NTN4: variants seen among roughly 807,000 people sequenced by gnomAD.
The protein encoded by NTN4 is netrin 4, also known as netrin-4.
A neutral mutation model predicts 73.6 loss-of-function variants in NTN4; 32 were observed. The observed-to-expected ratio is 0.44, with a 90% confidence interval of 0.33 to 0.58. NTN4 has a LOEUF of 0.58. Ranked by LOEUF, NTN4 falls within the 20% of genes least tolerant of loss-of-function variation. NTN4 has a pLI of 0.04. For missense variants in NTN4, 654 were observed against 798.3 expected (o/e 0.82, Z 2.18); for synonymous variants, 258 against 287.5 (o/e 0.90, Z 1.04).
At chr12:95,757,107 G>A (rs2078952262) in intron 2 of NTN4, among the ~76,000 whole-genome samples, 1 of 152,150 alleles carries the variant, frequency 6.6e-6, no homozygotes, top group Non-Finnish European at 1.5e-5. Flanking sequence ...CATGAGTGCA[G>A]GGGACCTTGT....
chr12:95,679,728 G>A (rs1338585912), intron 7 of NTN4, among the ~76,000 whole-genome samples: 3 of 152,170 alleles, frequency 2.0e-5, no homozygotes, highest in Non-Finnish European at 4.4e-5. Context: ...CAACCATGCT[G>A]ATGGGTGTTA....
intron 5 of NTN4, among the ~76,000 whole-genome samples, chr12:95,690,262 C>T (rs1055208576): frequency 2.0e-5 from 3 of 152,206 alleles, no homozygotes; most frequent in Non-Finnish European, 4.4e-5. Flanking sequence ...CATTCACTTA[C>T]TCAACAAACA....
rs75261073 is a variant in NTN4 at position 95,739,314 on chromosome 12, G to A, written c.586-1170C>T. 2.9e-3 allele frequency among the ~76,000 whole-genome samples: 448 copies of A among 152,154 alleles called. 3 individuals carry two copies. The highest frequency in any genetic ancestry group is 0.011 in the African/African-American group (438 of 41,502). ...AATAATAAGAAATAACGGATTAACC[G>A]GTATTTGTATTTCTAGCTATTTTTG... On this transcript the variant is annotated intron_variant, in intron 2 of 9. Transcript: ENST00000343702.
At chr12:95,757,154 A>G (rs944335160) in intron 2 of NTN4, among the ~76,000 whole-genome samples, 1 of 152,196 alleles carries the variant, frequency 6.6e-6, no homozygotes, top group African/African-American at 2.4e-5. Flanking sequence ...TGCTTGGCAT[A>G]TATGAGTTAA....
chr12:95,667,863 AAAATAAAT>A (rs71087991), intron 8 of NTN4, among the ~76,000 whole-genome samples: 21,102 of 148,198 alleles, frequency 0.14, 1,733 homozygotes, highest in African/African-American at 0.23. Flanking sequence ...CCATCTCTCA[AAAATAAAT>A]AAATAAATAA....
chr12:95,711,755 G>A (rs1160537036), intron 4 of NTN4, among the ~76,000 whole-genome samples: 2 of 152,158 alleles, frequency 1.3e-5, no homozygotes, highest in African/African-American at 4.8e-5. Context: ...TGTTCTATAC[G>A]TATTTAGATA....
intron 2 of NTN4, among the ~76,000 whole-genome samples, chr12:95,768,664 A>C (rs1286347772): frequency 6.6e-6 from 1 of 152,204 alleles, no homozygotes; most frequent in East Asian, 1.9e-4. Context: ...GCAAGGAAGT[A>C]ACATTTTGTA....
At position 95,790,113 on chromosome 12, in the gene NTN4, G is replaced by C. The variant is rs2079197249; in HGVS notation, c.55+142C>G. On this transcript the variant is annotated intron_variant, in intron 1 of 9. Transcript: ENST00000343702. The surrounding 1 kb of genome is among the most constrained non-coding windows in gnomAD (Gnocchi z 6.5). ...TGAAACTGCGGAGCCCCGGGGAAAGGAGGCGGAACATGGCCACTCATTTCA... is the reference window on the plus strand; with the variant it reads ...TGAAACTGCGGAGCCCCGGGGAAAGCAGGCGGAACATGGCCACTCATTTCA... 1.6e-6 allele frequency: 1 copy of C among 607,062 alleles called. No individual in the cohort carries two copies. Among genetic ancestry groups the C allele is most frequent in the Admixed American group, 3.9e-5 (1 of 25,740 alleles). The allele number at this position is 607,062 out of a possible 1,614,324, so 37.6% of individuals were successfully genotyped here. A position where few individuals can be genotyped will look rare whatever the true frequency, so the allele number is the denominator to read the frequency against.
chr12:95,711,254 CAA>C lies in NTN4; in HGVS notation c.992-627_992-626del, dbSNP rs573450633. Among the ~76,000 whole-genome samples the C allele has an allele frequency of 3.1e-3, 475 of 152,116 alleles. 3 individuals are homozygous for C. The highest frequency in any genetic ancestry group is 0.011 in the African/African-American group (452 of 41,504). On this transcript the variant is annotated intron_variant, in intron 4 of 9. Coordinates refer to ENST00000343702, the MANE Select transcript of NTN4 (RefSeq NM_021229.4). ...GTTTCAGGAGATGCATGAAAATCAACAAAGTGTAGATTTGTCTAGTTGGGCAG... is the reference window on the plus strand; with the variant it reads ...GTTTCAGGAGATGCATGAAAATCAACAGTGTAGATTTGTCTAGTTGGGCAG...
chr12:95,691,136 T>A (rs1470476326), intron 5 of NTN4, among the ~76,000 whole-genome samples: 1 of 152,242 alleles, frequency 6.6e-6, no homozygotes, highest in Non-Finnish European at 1.5e-5. Context: ...TGCATACTTA[T>A]CTCCTGAAGC....
rs59083360 is a variant in NTN4, at chr12:95,678,349, TA to T, written c.1510+4357del. Among the ~76,000 whole-genome samples, 607 of 110,936 alleles carry T rather than the reference TA, an allele frequency of 5.5e-3. 6 individuals are homozygous for T. The highest frequency in any genetic ancestry group is 0.013 in the Middle Eastern group (3 of 234). The allele number at this position is 110,936 out of a possible 152,430, so 72.8% of individuals were successfully genotyped here. A position where few individuals can be genotyped will look rare whatever the true frequency, so the allele number is the denominator to read the frequency against. On this transcript the variant is annotated intron_variant, in intron 7 of 9. Coordinates refer to ENST00000343702, the MANE Select transcript of NTN4 (RefSeq NM_021229.4). ...TGCACATGTATCCTAGAACTTAAAG[TA>T]AAAAAAAAAAAAAAAAAAGAATAGT...
chr12:95,748,411 A>G (rs986215960), intron 2 of NTN4, among the ~76,000 whole-genome samples: 9 of 151,826 alleles, frequency 5.9e-5, no homozygotes, highest in African/African-American at 2.2e-4. Flanking sequence ...AAATCCCTGG[A>G]ACTTTTGCCT....
intron 2 of NTN4, among the ~76,000 whole-genome samples, chr12:95,752,430 A>G (rs1174792391): frequency 1.3e-5 from 2 of 151,118 alleles, no homozygotes; most frequent in Non-Finnish European, 1.5e-5. Flanking sequence ...TTTCTTTACT[A>G]TTCCTTTGCA....
intron 2 of NTN4, among the ~76,000 whole-genome samples, chr12:95,740,270 C>G (rs545408833): frequency 6.6e-6 from 1 of 152,282 alleles, no homozygotes; most frequent in Admixed American, 6.5e-5. Flanking sequence ...CCTTTGGGTC[C>G]CACCCAGTTT....
intron 5 of NTN4, among the ~76,000 whole-genome samples, chr12:95,708,972 G>C (rs972237473): frequency 1.3e-5 from 2 of 152,140 alleles, no homozygotes; most frequent in Non-Finnish European, 2.9e-5. Flanking sequence ...AGTAAAACAG[G>C]ATGCTGGGAG....
intron 5 of NTN4, among the ~76,000 whole-genome samples, chr12:95,696,388 A>G (rs1183929845): frequency 2.0e-5 from 3 of 152,132 alleles, no homozygotes; most frequent in Non-Finnish European, 4.4e-5. Flanking sequence ...AAATTGAACT[A>G]TTTGTGTCAT....
chr12:95,775,539 G>A (rs1007492378), intron 2 of NTN4, among the ~76,000 whole-genome samples: 7 of 152,346 alleles, frequency 4.6e-5, no homozygotes, highest in Non-Finnish European at 5.9e-5. Flanking sequence ...ATTATATCCC[G>A]TGCATGGCTC....
At chr12:95,678,349 T>TAAAAAAAAA (rs59083360) in intron 7 of NTN4, among the ~76,000 whole-genome samples, 2 of 110,960 alleles carry the variant, frequency 1.8e-5, no homozygotes, top group African/African-American at 3.5e-5. Context: ...GAACTTAAAG[T>TAAAAAAAAA]AAAAAAAAAA....
chr12:95,790,237 CG>C lies in NTN4; in HGVS notation c.55+17del. 6.5e-7 allele frequency: 1 copy of C among 1,529,900 alleles called. No homozygotes were observed. 94.8% of individuals were successfully genotyped at this position (1,529,900 alleles called of 1,614,324 possible). Reference sequence around the variant, plus strand: ...GCAGCGAGGGAAGGGGTGGGGGCCCCGCCGCGTCACCACCCACCTGCGGCCA... The same window carrying C: ...GCAGCGAGGGAAGGGGTGGGGGCCCCCCGCGTCACCACCCACCTGCGGCCA... On this transcript the variant is annotated intron_variant, in intron 1 of 9. Coordinates refer to ENST00000343702, the MANE Select transcript of NTN4 (RefSeq NM_021229.4). The surrounding 1 kb of genome is among the most constrained non-coding windows in gnomAD (Gnocchi z 6.5).
Sources: gnomAD v4.1 joint callset for allele counts (sites outside exome capture counted in the v4.1 genomes callset) on GRCh38, gnomAD v4.1.1 for gene constraint, Gnocchi (gnomAD v3.1) non-coding constraint, MANE v1.5 for transcripts, NCBI Gene and HGNC (gene_info 2026-07-23, HGNC 2026-07-21) for gene names.